Variants in CNTN4 observed in about 807,000 individuals in gnomAD.
The protein encoded by CNTN4 is contactin-4.
CNTN4 carries 77 observed loss-of-function variants against 122.5 expected under a neutral mutation model. That is an observed-to-expected ratio of 0.63 (90% confidence interval 0.52 to 0.76). The LOEUF (loss-of-function observed/expected upper bound fraction) is 0.76. Ranked by LOEUF, CNTN4 falls within the 30% of genes least tolerant of loss-of-function variation. The probability of loss-of-function intolerance (pLI) is 0.00; values close to 1 mark genes in which losing one functional copy is unlikely to be tolerated. For synonymous variants in CNTN4, 512 were observed against 447.0 expected (o/e 1.15, Z -1.83); for missense variants, 1,256 against 1,259.1 (o/e 1.00, Z 0.04).
intron 2 of CNTN4, among the ~76,000 whole-genome samples, chr3:2,152,774 C>T (rs934101508): frequency 3.9e-5 from 6 of 152,082 alleles, no homozygotes; most frequent in South Asian, 2.1e-4. Flanking sequence ...TGGCTCTGGC[C>T]GGTGGGTCAT....
chr3:2,287,766 GAAGAAGA>G (rs1559416260), intron 2 of CNTN4, among the ~76,000 whole-genome samples: 2 of 147,252 alleles, frequency 1.4e-5, no homozygotes, highest in Admixed American at 6.7e-5. Flanking sequence ...AGAAGAAGAA[GAAGAAGA>G]AGAAGGAGAA....
chr3:2,355,651 C>G (rs2044841419), intron 3 of CNTN4, among the ~76,000 whole-genome samples: 1 of 152,146 alleles, frequency 6.6e-6, no homozygotes, highest in African/African-American at 2.4e-5. Flanking sequence ...GCAGTTTCTT[C>G]TTTCTACCTT....
chr3:3,054,140 A>C (rs962526603), intron 24 of CNTN4, among the ~76,000 whole-genome samples, 165 bp downstream of exon 24: 1 of 152,220 alleles, frequency 6.6e-6, no homozygotes, highest in Non-Finnish European at 1.5e-5. Context: ...AGGCAGTTTC[A>C]TGCAAAAATC....
chr3:3,001,757 A>T (rs76453172), intron 14 of CNTN4, among the ~76,000 whole-genome samples: 1,612 of 152,302 alleles, frequency 0.011, 31 homozygotes, highest in African/African-American at 0.037. Context: ...TATTAAGTAG[A>T]TGCAAATTGA....
intron 4 of CNTN4, among the ~76,000 whole-genome samples, chr3:2,734,478 G>A (rs1027745867): frequency 2.0e-5 from 3 of 152,156 alleles, no homozygotes; most frequent in African/African-American, 2.4e-5. Context: ...CCTGGAGTTA[G>A]TATTTGACCC....
intron 7 of CNTN4, among the ~76,000 whole-genome samples, chr3:2,855,823 T>C (rs1040028659): frequency 1.6e-4 from 24 of 152,072 alleles, no homozygotes; most frequent in African/African-American, 5.8e-4. Flanking sequence ...TCTTTCTGTC[T>C]TAGTAAACTC....
intron 4 of CNTN4, among the ~76,000 whole-genome samples, chr3:2,684,326 G>A (rs2085321595): frequency 6.6e-6 from 1 of 152,152 alleles, no homozygotes; most frequent in Admixed American, 6.5e-5. Flanking sequence ...CTGAAGCATT[G>A]CAGCTGAGAA....
In CNTN4 at chr3:2,641,838, C is replaced by T. The variant is rs114341224; in HGVS notation, c.55+70280C>T. On this transcript the variant is annotated intron_variant, in intron 4 of 24. Coordinates refer to ENST00000418658, the MANE Select transcript of CNTN4 (RefSeq NM_175607.3). ...CTATGATAGCCTGTATTGACAGATG[C>T]AACTTTTAAAACCAGTCAGATTGCA... Among the ~76,000 whole-genome samples, 1,259 of 152,280 alleles carry T rather than the reference C, an allele frequency of 8.3e-3. 17 individuals carry two copies. Among genetic ancestry groups the T allele is most frequent in the Admixed American group, 0.03 (461 of 15,294 alleles).
At chr3:2,360,716 A>G (rs925751865) in intron 3 of CNTN4, among the ~76,000 whole-genome samples, 8 of 152,166 alleles carry the variant, frequency 5.3e-5, no homozygotes, top group African/African-American at 1.7e-4. Flanking sequence ...AGCCCCTTAT[A>G]AAACCATTAG....
intron 6 of CNTN4, among the ~76,000 whole-genome samples, chr3:2,810,667 C>T (rs2092583296): frequency 6.6e-6 from 1 of 152,202 alleles, no homozygotes; most frequent in South Asian, 2.1e-4. Flanking sequence ...TTATTCAAAA[C>T]TCACATTTGA....
intron 3 of CNTN4, among the ~76,000 whole-genome samples, chr3:2,471,953 G>A (rs968085949): frequency 6.6e-6 from 1 of 152,120 alleles, no homozygotes; most frequent in Non-Finnish European, 1.5e-5. Flanking sequence ...TTGACATCAA[G>A]AATCCCATAG....
chr3:2,432,814 C>CT (rs5846183), intron 3 of CNTN4, among the ~76,000 whole-genome samples: 5,694 of 141,508 alleles, frequency 0.04, 421 homozygotes, highest in African/African-American at 0.12. Flanking sequence ...ACACTAACTG[C>CT]TTTTTTTTTT....
At chr3:2,894,365 G>T (rs933208825) in intron 10 of CNTN4, among the ~76,000 whole-genome samples, 6 of 152,162 alleles carry the variant, frequency 3.9e-5, no homozygotes, top group African/African-American at 1.4e-4. Flanking sequence ...ATTTGTGTTA[G>T]GGTTGGACAT....
intron 10 of CNTN4, 136 bp from the exon 11 acceptor site, chr3:2,900,549 C>G: frequency 1.0e-6 from 1 of 955,522 alleles, no homozygotes; most frequent in East Asian, 2.5e-5. Flanking sequence ...GAATGTCTCC[C>G]CAGTCTTGTT....
intron 2 of CNTN4, among the ~76,000 whole-genome samples, chr3:2,241,563 G>A (rs2149612741): frequency 6.6e-6 from 1 of 152,210 alleles, no homozygotes; most frequent in African/African-American, 2.4e-5. Flanking sequence ...CTTAATGTCT[G>A]CATCTTCTGC....
intron 4 of CNTN4, among the ~76,000 whole-genome samples, chr3:2,585,877 GAAAA>G (rs199795637): frequency 7.2e-6 from 1 of 139,498 alleles, no homozygotes; most frequent in African/African-American, 2.6e-5. Flanking sequence ...CAGAGGGGGA[GAAAA>G]AAAAAAAAGC....
intron 2 of CNTN4, among the ~76,000 whole-genome samples, chr3:2,188,742 G>A (rs2037390502): frequency 6.6e-6 from 1 of 152,152 alleles, no homozygotes; most frequent in South Asian, 2.1e-4. Flanking sequence ...CTTGGGGTGG[G>A]AAACAGGTTG....
intron 2 of CNTN4, among the ~76,000 whole-genome samples, chr3:2,226,242 C>T (rs1042469023): frequency 6.6e-6 from 1 of 152,014 alleles, no homozygotes; most frequent in Non-Finnish European, 1.5e-5. Context: ...TTATAATATC[C>T]TTGAAGGTTG....
At chr3:2,812,410 T>C (rs1453111357) in intron 6 of CNTN4, among the ~76,000 whole-genome samples, 3 of 151,712 alleles carry the variant, frequency 2.0e-5, no homozygotes, top group African/African-American at 7.3e-5. Context: ...GTATAGTGCG[T>C]ATATCTTAAA....
Sources: allele counts gnomAD v4.1 joint callset (sites outside exome capture counted in the v4.1 genomes callset), GRCh38; gene constraint gnomAD v4.1.1; transcripts MANE v1.5; gene names NCBI Gene and HGNC (gene_info 2026-07-23, HGNC 2026-07-21).